ARNT: variants seen among roughly 807,000 people sequenced by gnomAD.
The protein encoded by ARNT is aryl hydrocarbon receptor nuclear translocator, also known as class E basic helix-loop-helix protein 2.
ARNT carries 30 observed loss-of-function variants against 105.0 expected under a neutral mutation model. The observed-to-expected ratio is 0.29, with a 90% CI of 0.21 to 0.39. The LOEUF (loss-of-function observed/expected upper bound fraction) is 0.39, where lower values mean the gene tolerates loss of function less well. ARNT is among the 10% of genes least tolerant of loss of function. The pLI is 1.00. For missense variants in ARNT, 748 were observed against 978.7 expected (o/e 0.76, Z 3.15); for synonymous variants, 304 against 344.0 (o/e 0.88, Z 1.29).
At chr1:150,846,860 A>G (rs1662312138) in intron 3 of ARNT, among the ~76,000 whole-genome samples, 1 of 152,222 alleles carries the variant, frequency 6.6e-6, no homozygotes. Flanking sequence ...TGTAAGTGGA[A>G]TCATACAGTA....
At position 150,851,006 on chromosome 1, in the gene ARNT, C is replaced by T. The variant is rs587688790; in HGVS notation, c.182+1756G>A. On this transcript the variant is annotated intron_variant, in intron 3 of 21. Transcript: ENST00000358595. ...CTGAGAATTGAGGAGCCCCTCTGCC[C>T]GGCAGCCACCCCGTCTGAGAAGTGA... 3.4e-3 allele frequency among the ~76,000 whole-genome samples: 505 copies of T among 147,904 alleles called. 9 individuals are homozygous for T. In the East Asian group the frequency reaches 0.067, roughly 20 times the overall value.
intron 11 of ARNT, chr1:150,829,515 A>G (rs765999490): frequency 3.3e-6 from 2 of 600,210 alleles, no homozygotes; most frequent in African/African-American, 1.8e-5. Flanking sequence ...ACTCAGGTTG[A>G]TATGGTACAA....
chr1:150,861,303 C>T (rs1160377852), intron 1 of ARNT: 5 of 421,060 alleles, frequency 1.2e-5, no homozygotes, highest in Non-Finnish European at 2.3e-5. Context: ...CAAGATCAGG[C>T]TGGGAAACAC....
Position 150,813,628 on chromosome 1 carries a change from T to C in ARNT, c.2114-290A>G, listed in dbSNP as rs921459411. Reference sequence around the variant, plus strand: ...TATATGTGCTAAAGTATTTTTCATGTGGGTAGTTTTTTTTTTTTATTTTTT... The same window carrying C: ...TATATGTGCTAAAGTATTTTTCATGCGGGTAGTTTTTTTTTTTTATTTTTT... On this transcript the variant is annotated intron_variant, in intron 20 of 21. Transcript: ENST00000358595. 8.9e-4 allele frequency among the ~76,000 whole-genome samples: 135 copies of C among 151,854 alleles called. 1 individual carries two copies. The highest frequency in any genetic ancestry group is 8.6e-3 in the Admixed American group (131 of 15,228).
chr1:150,849,498 T>C (rs1662906393), intron 3 of ARNT, among the ~76,000 whole-genome samples: 1 of 151,966 alleles, frequency 6.6e-6, no homozygotes, highest in Non-Finnish European at 1.5e-5. Flanking sequence ...AAAAGGTCCA[T>C]TTTCAGGCCG....
intron 19 of ARNT, 36 bp downstream of exon 19, chr1:150,816,223 A>G (rs377187565): frequency 4.5e-6 from 7 of 1,565,340 alleles, no homozygotes; most frequent in Non-Finnish European, 5.2e-6. Flanking sequence ...CAAACAAAAA[A>G]TAATACACAG....
intron 4 of ARNT, 82 bp from the exon 5 acceptor site, chr1:150,842,550 A>G: frequency 8.1e-7 from 1 of 1,239,014 alleles, no homozygotes; most frequent in South Asian, 1.3e-5. Context: ...GGAAAAAAGG[A>G]AGGAGGGAGG....
intron 3 of ARNT, 33 bp from the exon 4 acceptor site, chr1:150,846,340 T>C: frequency 6.2e-7 from 1 of 1,604,642 alleles, no homozygotes; most frequent in Non-Finnish European, 8.5e-7. Flanking sequence ...TTTCAAAGCA[T>C]TACACTTGTT....
chr1:150,856,167 G>A (rs1557940291), intron 2 of ARNT, among the ~76,000 whole-genome samples: 1 of 152,188 alleles, frequency 6.6e-6, no homozygotes, highest in Non-Finnish European at 1.5e-5. Flanking sequence ...TGGGCCGGGT[G>A]CAGTGGCTCG....
At chr1:150,822,443 A>G (rs1395367860) in intron 14 of ARNT, among the ~76,000 whole-genome samples, 1 of 152,142 alleles carries the variant, frequency 6.6e-6, no homozygotes, top group Non-Finnish European at 1.5e-5. Flanking sequence ...CCAATGGCCA[A>G]TGATTTAATC....
At chr1:150,863,050 C>CAA (rs143880940) in intron 1 of ARNT, among the ~76,000 whole-genome samples, 18 of 59,716 alleles carry the variant, frequency 3.0e-4, no homozygotes, top group East Asian at 1.5e-3. Flanking sequence ...GATTCCGTCT[C>CAA]AAAAAAAAAA....
chr1:150,833,624 T>C (rs1482704406), intron 8 of ARNT, among the ~76,000 whole-genome samples: 3 of 152,200 alleles, frequency 2.0e-5, no homozygotes, highest in African/African-American at 7.2e-5. Context: ...ATGTAGTCAA[T>C]TTCCATTATA....
At chr1:150,844,902 C>T (rs1282349302) in intron 4 of ARNT, among the ~76,000 whole-genome samples, 1 of 151,560 alleles carries the variant, frequency 6.6e-6, no homozygotes. Context: ...CTCCACCTCC[C>T]GGGCTCATGC....
intron 1 of ARNT, among the ~76,000 whole-genome samples, chr1:150,863,741 C>T (rs587715785): frequency 1.3e-5 from 2 of 151,348 alleles, no homozygotes; most frequent in Admixed American, 6.6e-5. Context: ...TGCTTGAACC[C>T]AGGAGGCAGA....
chr1:150,844,914 A>G (rs1233914113), intron 4 of ARNT, among the ~76,000 whole-genome samples: 1 of 151,636 alleles, frequency 6.6e-6, no homozygotes, highest in Admixed American at 6.6e-5. Context: ...GGCTCATGCA[A>G]TTCTCATGCC....
At position 150,813,262 on chromosome 1, in the gene ARNT, C is replaced by T; in HGVS notation, c.2190G>A (p.Gln730=). The T allele has an allele frequency of 1.2e-6, 2 of 1,614,008 alleles. No individual in the cohort carries two copies. The highest frequency in any genetic ancestry group is 1.7e-5 in the Admixed American group (1 of 59,998). ...AEGVGVWPQW[Q]GQQPHHRSSS... ...TTGAACGATGATGAGGCTGCTGGCC[C>T]TGCCACTGTGGCCAGACACCCACAC... The change falls in exon 21 of 22, where the codon CAG becomes CAA. Residue 730 remains glutamine, a synonymous_variant. Transcript: ENST00000358595.
Position 150,846,247 on chromosome 1 carries a change from C to A in ARNT, c.227+16G>T, listed in dbSNP as rs587613451. ...TCATATTATATATTACAATATATTA[C>A]CTACTACAATATTACCTGGCAAACC... is the stretch of plus-strand genomic sequence containing the variant. On this transcript the variant is annotated intron_variant, in intron 4 of 21. Coordinates refer to ENST00000358595, the MANE Select transcript of ARNT (RefSeq NM_001668.4). The A allele has an allele frequency of 3.1e-6, 5 of 1,597,010 alleles. No individual in the cohort carries two copies. In the East Asian group the frequency reaches 8.9e-5, roughly 29 times the overall value.
At chr1:150,832,135 A>G (rs911161285) in intron 9 of ARNT, among the ~76,000 whole-genome samples, 199 bp downstream of exon 9, 5 of 152,216 alleles carry the variant, frequency 3.3e-5, no homozygotes, top group Non-Finnish European at 5.9e-5. Flanking sequence ...TTCCTTAAAC[A>G]GGATTTTCAA....
intron 13 of ARNT, among the ~76,000 whole-genome samples, chr1:150,824,136 C>T (rs1042226421): frequency 2.0e-5 from 3 of 151,856 alleles, no homozygotes; most frequent in Non-Finnish European, 2.9e-5. Flanking sequence ...CCACTGAGCC[C>T]GGCCAGAGAC....
Sources: gnomAD v4.1 joint callset for allele counts (sites outside exome capture counted in the v4.1 genomes callset) on GRCh38, gnomAD v4.1.1 for gene constraint, MANE v1.5 for transcripts, NCBI Gene and HGNC (gene_info 2026-07-23, HGNC 2026-07-21) for gene names.